The following ST8SIA1 variants were observed in gnomAD, a reference collection of about 807,000 sequenced individuals.
The protein encoded by ST8SIA1 is alpha-N-acetylneuraminide alpha-2,8-sialyltransferase.
Under a neutral mutation model 35.9 loss-of-function variants are expected in ST8SIA1, and 16 were observed. The observed-to-expected ratio is 0.45, with a 90% CI of 0.30 to 0.68. The LOEUF (loss-of-function observed/expected upper bound fraction) is 0.68. Ranked by LOEUF, ST8SIA1 falls within the 30% of genes least tolerant of loss-of-function variation. ST8SIA1 has a pLI of 0.09. For missense variants in ST8SIA1, 383 were observed against 453.6 expected, an observed-to-expected ratio of 0.84 and a Z score of 1.41; for synonymous variants, 170 against 169.6, an observed-to-expected ratio of 1.00 and a Z score of -0.02.
chr12:22,312,634 T>C (rs1866464524), intron 1 of ST8SIA1, among the ~76,000 whole-genome samples: 1 of 151,114 alleles, frequency 6.6e-6, no homozygotes, highest in South Asian at 2.1e-4. Context: ...TTGGTAAATA[T>C]AAATTAGTCA....
rs1803638 is a variant in ST8SIA1, at chr12:22,201,100, A to T, written c.*452T>A. 43,253 of 152,264 alleles carry T rather than the reference A, an allele frequency of 0.28. 6,592 individuals carry two copies. Among genetic ancestry groups the T allele is most frequent in the Middle Eastern group, 0.5 (147 of 294 alleles). The allele number at this position is 152,264 out of a possible 1,614,324, so 9.4% of individuals were successfully genotyped here. On this transcript the variant is annotated 3_prime_UTR_variant, in exon 5 of 5. Coordinates refer to ENST00000396037, the MANE Select transcript of ST8SIA1 (RefSeq NM_003034.4). ...GGGCAAAAATAAATAATAATTTTTT[A>T]AAAAAACCTACGGTTCTAAAGCCAG... is the stretch of plus-strand genomic sequence containing the variant.
intron 4 of ST8SIA1, among the ~76,000 whole-genome samples, chr12:22,215,574 G>C (rs1865225496): frequency 6.6e-6 from 1 of 152,158 alleles, no homozygotes; most frequent in Non-Finnish European, 1.5e-5. Context: ...CAAGTTCAAA[G>C]AAAGTTAGGG....
chr12:22,325,484 G>C (rs1467591952), intron 1 of ST8SIA1: 1 of 701,738 alleles, frequency 1.4e-6, no homozygotes, highest in East Asian at 2.7e-5. Flanking sequence ...AACAGAAAGG[G>C]ATAAAAATCG....
At chr12:22,216,121 T>C (rs1865231348) in intron 4 of ST8SIA1, among the ~76,000 whole-genome samples, 2 of 152,164 alleles carry the variant, frequency 1.3e-5, no homozygotes. Context: ...CTAATGCATA[T>C]CCTCAGTACC....
intron 4 of ST8SIA1, among the ~76,000 whole-genome samples, chr12:22,205,215 G>A (rs565269468): frequency 5.3e-5 from 8 of 152,090 alleles, no homozygotes; most frequent in East Asian, 3.9e-4. Flanking sequence ...GAAAACAAAG[G>A]ACAAGTTCTA....
At chr12:22,327,166 A>G (rs1866692241) in intron 1 of ST8SIA1, among the ~76,000 whole-genome samples, 1 of 152,226 alleles carries the variant, frequency 6.6e-6, no homozygotes, top group Non-Finnish European at 1.5e-5. Context: ...AATATTGAGA[A>G]GTTATCATCA....
intron 1 of ST8SIA1, among the ~76,000 whole-genome samples, chr12:22,319,067 C>T (rs1866552150): frequency 6.6e-6 from 1 of 152,172 alleles, no homozygotes. Flanking sequence ...TTACTGACTG[C>T]CTAACTGCCC....
chr12:22,322,291 T>C (rs1866612079), intron 1 of ST8SIA1, among the ~76,000 whole-genome samples: 1 of 152,228 alleles, frequency 6.6e-6, no homozygotes, highest in Non-Finnish European at 1.5e-5. Flanking sequence ...TGCTGCGTGC[T>C]TGTTTGCTGT....
intron 2 of ST8SIA1, among the ~76,000 whole-genome samples, chr12:22,268,193 G>C (rs1246660997): frequency 2.0e-5 from 3 of 152,198 alleles, no homozygotes. Flanking sequence ...CTGGAGAAAT[G>C]CCAAGAATCT....
At chr12:22,318,314 G>T (rs956052718) in intron 1 of ST8SIA1, among the ~76,000 whole-genome samples, 1 of 152,142 alleles carries the variant, frequency 6.6e-6, no homozygotes, top group Non-Finnish European at 1.5e-5. Flanking sequence ...TTTTGGGTGC[G>T]CAGAAGTCTC....
intron 2 of ST8SIA1, among the ~76,000 whole-genome samples, chr12:22,280,864 G>T (rs1866025588): frequency 6.6e-6 from 1 of 152,184 alleles, no homozygotes; most frequent in Non-Finnish European, 1.5e-5. Context: ...TCAATTCATT[G>T]TTCAGATCAC....
intron 1 of ST8SIA1, among the ~76,000 whole-genome samples, chr12:22,297,882 G>C (rs1051559874): frequency 6.6e-5 from 10 of 152,166 alleles, no homozygotes; most frequent in African/African-American, 1.9e-4. Flanking sequence ...TTCAGGATGG[G>C]GGCTGATCAT....
intron 3 of ST8SIA1, 146 bp downstream of exon 3, chr12:22,255,133 CG>C: frequency 1.5e-6 from 1 of 669,810 alleles, no homozygotes; most frequent in Non-Finnish European, 2.6e-6. Flanking sequence ...CTCCTAAACT[CG>C]CTTGTCTATG....
At chr12:22,208,350 C>A (rs1865138693) in intron 4 of ST8SIA1, among the ~76,000 whole-genome samples, 2 of 151,544 alleles carry the variant, frequency 1.3e-5, no homozygotes. Flanking sequence ...CTAGAATATA[C>A]AAAATAATCA....
intron 2 of ST8SIA1, chr12:22,286,577 GA>G: frequency 2.0e-6 from 1 of 492,226 alleles, no homozygotes; most frequent in Non-Finnish European, 4.0e-6. Context: ...ATGTATATTA[GA>G]AAAACATTTT....
intron 4 of ST8SIA1, among the ~76,000 whole-genome samples, chr12:22,235,794 G>A (rs1449512564): frequency 6.6e-6 from 1 of 152,076 alleles, no homozygotes; most frequent in Non-Finnish European, 1.5e-5. Context: ...AACATCCCTA[G>A]GAGGGTTATA....
At chr12:22,226,336 A>T (rs566762867) in intron 4 of ST8SIA1, among the ~76,000 whole-genome samples, 36 of 152,240 alleles carry the variant, frequency 2.4e-4, no homozygotes, top group Admixed American at 5.2e-4. Context: ...CATTTTTCTG[A>T]TTGGATGCTT....
At chr12:22,314,407 G>T (rs1866490717) in intron 1 of ST8SIA1, among the ~76,000 whole-genome samples, 1 of 152,128 alleles carries the variant, frequency 6.6e-6, no homozygotes, top group Admixed American at 6.6e-5. Context: ...TCAGTCACCA[G>T]AGCATCTACT....
At chr12:22,284,323 G>A (rs1016114264) in intron 2 of ST8SIA1, among the ~76,000 whole-genome samples, 1 of 152,222 alleles carries the variant, frequency 6.6e-6, no homozygotes, top group African/African-American at 2.4e-5. Flanking sequence ...TGGGAAAGGA[G>A]TGAAGCTTTG....
Sources: allele counts gnomAD v4.1 joint callset (sites outside exome capture counted in the v4.1 genomes callset), GRCh38; gene constraint gnomAD v4.1.1; transcripts MANE v1.5; gene names NCBI Gene and HGNC (gene_info 2026-07-23, HGNC 2026-07-21).